AMZ1: variants seen among roughly 807,000 people sequenced by gnomAD.
The protein encoded by AMZ1 is archaelysin family metallopeptidase 1, also known as archaemetzincin-1.
A neutral mutation model predicts 29.9 loss-of-function variants in AMZ1; 39 were observed. That is an observed-to-expected ratio of 1.30 (90% CI 1.01 to 1.70). The LOEUF is 1.70. Among genes scored for constraint, AMZ1 ranks in the 40% most tolerant of loss-of-function variants. AMZ1 has a pLI of 0.00. For missense variants in AMZ1, 1,041 were observed against 680.6 expected (o/e 1.53, Z -5.89); for synonymous variants, 458 against 304.0 (o/e 1.51, Z -5.27).
At chr7:2,746,048 C>A (rs1453401998) in intron 4 of AMZ1, among the ~76,000 whole-genome samples, 2 of 152,112 alleles carry the variant, frequency 1.3e-5, no homozygotes, top group Admixed American at 6.6e-5. Context: ...CAAAGAGACT[C>A]AGACTCCCAC....
At chr7:2,733,576 A>G in intron 4 of AMZ1, 1 of 1,179,494 alleles carries the variant, frequency 8.5e-7, no homozygotes. Context: ...AGAACTGAAC[A>G]GGGTAAGAGC....
At chr7:2,762,427 C>T, upstream of AMZ1, 1 of 493,166 alleles carries the variant, frequency 2.0e-6, no homozygotes, top group Non-Finnish European at 3.6e-6. Flanking sequence ...TTAACTTGGC[C>T]AAGGGCAAAA....
intron 4 of AMZ1, 109 bp downstream of exon 4, chr7:2,708,825 G>A (rs1266487996): frequency 2.6e-6 from 4 of 1,527,528 alleles, no homozygotes; most frequent in Non-Finnish European, 1.8e-6. Context: ...CCCTCCTGGT[G>A]GAAGTCAACA....
In AMZ1 at chr7:2,717,511, A is replaced by C. The variant is rs1789200449; in HGVS notation, c.*4633A>C. Among the ~76,000 whole-genome samples, 4 of 152,336 alleles carry C rather than the reference A, an allele frequency of 2.6e-5. No homozygotes were observed. The South Asian group carries it at 8.3e-4, about 32-fold the overall frequency. Reference sequence around the variant, plus strand: ...CGCACGCAGGCTGCTCCAGAGCTGAAATCTAGCTGTGATCCCTGTGGGGCA... The same window carrying C: ...CGCACGCAGGCTGCTCCAGAGCTGACATCTAGCTGTGATCCCTGTGGGGCA... On this transcript the variant is annotated 3_prime_UTR_variant, in exon 7 of 7. Transcript: ENST00000683327.
chr7:2,710,175 T>A lies in AMZ1; in HGVS notation c.948+359T>A, dbSNP rs187777596. Among the ~76,000 whole-genome samples the A allele has an allele frequency of 1.2e-3, 188 of 151,198 alleles. 1 individual carries two copies. Among genetic ancestry groups the A allele is most frequent in the Admixed American group, 0.011 (170 of 15,274 alleles). ...CTCTTTGCTTTCCCGTCACCCACAC[T>A]TGGGTCACTGCTGCTCAGAGGAGGC... is the stretch of plus-strand genomic sequence containing the variant. On this transcript the variant is annotated intron_variant, in intron 6 of 6. Coordinates refer to ENST00000683327, the MANE Select transcript of AMZ1 (RefSeq NM_001384743.1).
Position 2,727,387 on chromosome 7 carries a change from T to C in AMZ1, n.550+17571T>C, listed in dbSNP as rs147008306. ...GAGCCACTGCGCCCGGCCATCTTCA[T>C]TTATTTTTAAGATGGGGTCTTTGCT... On this transcript the variant is annotated intron_variant and non_coding_transcript_variant, in intron 4 of 4. Transcript: ENST00000489665. Among the ~76,000 whole-genome samples the C allele has an allele frequency of 2.1e-4, 32 of 152,174 alleles. 1 individual carries two copies. The highest frequency in any genetic ancestry group is 7.7e-4 in the African/African-American group (32 of 41,540).
At position 2,717,076 on chromosome 7, in the gene AMZ1, C is replaced by G. The variant is rs1789168723; in HGVS notation, c.*4198C>G. Among the ~76,000 whole-genome samples the G allele has an allele frequency of 6.6e-6, 1 of 152,164 alleles. No homozygotes were observed. The highest frequency in any genetic ancestry group is 2.4e-5 in the African/African-American group (1 of 41,422). The stretch of plus-strand genomic sequence containing the variant: ...CTGAGCAGCCCCCACACACCGGCAC[C>G]CACGCCCCTCGGTTCTGATAACCAG... On this transcript the variant is annotated 3_prime_UTR_variant, in exon 7 of 7. Coordinates refer to ENST00000683327, the MANE Select transcript of AMZ1 (RefSeq NM_001384743.1).
intron 4 of AMZ1, 80 bp downstream of exon 4, chr7:2,708,796 T>G (rs906289365): frequency 6.3e-7 from 1 of 1,594,520 alleles, no homozygotes; most frequent in African/African-American, 1.3e-5. Flanking sequence ...GGGCACCCTC[T>G]TTGCTTTTGC....
intron 4 of AMZ1, among the ~76,000 whole-genome samples, chr7:2,733,813 A>C (rs950562489): frequency 6.6e-6 from 1 of 152,168 alleles, no homozygotes. Context: ...CCAGACATGA[A>C]GGCTGGCCCA....
At chr7:2,756,948 C>T (rs1459294057) in intron 4 of AMZ1, among the ~76,000 whole-genome samples, 1 of 151,918 alleles carries the variant, frequency 6.6e-6, no homozygotes, top group Non-Finnish European at 1.5e-5. Context: ...GTGGCACATG[C>T]CTGTAGTTCC....
chr7:2,696,257 A>ATTTTT (rs527280174), intron 1 of AMZ1, among the ~76,000 whole-genome samples: 1 of 122,054 alleles, frequency 8.2e-6, no homozygotes, highest in African/African-American at 3.1e-5. Context: ...CTTGATAGTC[A>ATTTTT]TTTTTTTTTT....
At chr7:2,724,275 C>T (rs1281827067), downstream of AMZ1, among the ~76,000 whole-genome samples, 1 of 152,238 alleles carries the variant, frequency 6.6e-6, no homozygotes, top group Admixed American at 6.5e-5. Context: ...TGGGGCTCAC[C>T]AGCGCCGGGC....
intron 1 of AMZ1, among the ~76,000 whole-genome samples, chr7:2,698,815 G>A (rs542970241): frequency 1.3e-5 from 2 of 152,134 alleles, no homozygotes; most frequent in African/African-American, 4.8e-5. Context: ...CAGCCTGGAC[G>A]AAACAGCGAG....
upstream of AMZ1, among the ~76,000 whole-genome samples, chr7:2,683,268 G>T (rs1436927461): frequency 6.6e-6 from 1 of 152,166 alleles, no homozygotes; most frequent in Non-Finnish European, 1.5e-5. Flanking sequence ...AGTCAAGGCT[G>T]GGGCAGGGCC....
At chr7:2,695,095 T>C (rs1324909383) in intron 1 of AMZ1, among the ~76,000 whole-genome samples, 1 of 152,222 alleles carries the variant, frequency 6.6e-6, no homozygotes, top group Non-Finnish European at 1.5e-5. Context: ...CTTGGGTCTG[T>C]CCTCACGGCT....
At chr7:2,738,356 C>T (rs925042901) in intron 4 of AMZ1, among the ~76,000 whole-genome samples, 4 of 152,060 alleles carry the variant, frequency 2.6e-5, no homozygotes, top group African/African-American at 9.7e-5. Flanking sequence ...GCTGTCACTG[C>T]AGGAAACGTC....
chr7:2,747,359 G>C (rs2115349742), intron 4 of AMZ1, among the ~76,000 whole-genome samples: 1 of 152,260 alleles, frequency 6.6e-6, no homozygotes, highest in Admixed American at 6.5e-5. Flanking sequence ...ATGCAAGGCT[G>C]GTTCAACATA....
In AMZ1 at chr7:2,731,496, G is replaced by C. The variant is rs1487722362; in HGVS notation, n.550+21680G>C. The C allele has an allele frequency of 6.2e-7, 1 of 1,613,772 alleles. No homozygotes were observed. On this transcript the variant is annotated intron_variant and non_coding_transcript_variant, in intron 4 of 4. Transcript: ENST00000489665. This position sits in a 1 kb window ranked among gnomAD's most constrained non-coding sequence, Gnocchi z 6.0. The stretch of plus-strand genomic sequence containing the variant: ...AGAGCTTGTTGTTGACGATGGTCTC[G>C]AAGATGTTCATGGACTCCACCAGCC...
intron 1 of AMZ1, among the ~76,000 whole-genome samples, chr7:2,697,934 A>G (rs1446403463): frequency 6.6e-6 from 1 of 152,134 alleles, no homozygotes; most frequent in Admixed American, 6.5e-5. Flanking sequence ...GTTCCTCTGG[A>G]AAAAAAATAT....
Sources: allele counts gnomAD v4.1 joint callset (sites outside exome capture counted in the v4.1 genomes callset), GRCh38; gene constraint gnomAD v4.1.1; non-coding constraint Gnocchi (gnomAD v3.1); transcripts MANE v1.5; gene names NCBI Gene and HGNC (gene_info 2026-07-23, HGNC 2026-07-21).